USP28: variants seen among roughly 807,000 people sequenced by gnomAD.
USP28 encodes the protein ubiquitin carboxyl-terminal hydrolase 28.
A neutral mutation model predicts 145.0 loss-of-function variants in USP28; 113 were observed. The ratio of observed to expected loss-of-function variants is 0.78; its 90% CI spans 0.67 to 0.91. The LOEUF is 0.91. Ranked by LOEUF, USP28 falls within the 40% of genes least tolerant of loss-of-function variation. The pLI is 0.00. For missense variants in USP28, 1,201 were observed against 1,289.6 expected (o/e 0.93, Z 1.05); for synonymous variants, 447 against 450.9 (o/e 0.99, Z 0.11).
At chr11:113,829,224 G>A (rs567826057) in exon 10 of USP28, 299 of 1,613,988 alleles carry the variant, frequency 1.9e-4, no homozygotes, top group Non-Finnish European at 2.4e-4. Context: ...CCGAGTGATC[G>A]GAGGGAAGAA....
At chr11:113,853,401 T>C (rs538561639) in intron 2 of USP28, among the ~76,000 whole-genome samples, 21 of 150,314 alleles carry the variant, frequency 1.4e-4, no homozygotes, top group Middle Eastern at 6.8e-3. Context: ...ATTTCTAACA[T>C]ATATACCAGG....
intron 1 of USP28, among the ~76,000 whole-genome samples, chr11:113,872,693 G>A (rs936439532): frequency 6.6e-6 from 1 of 152,174 alleles, no homozygotes; most frequent in Admixed American, 6.5e-5. Context: ...TAAAGAATGT[G>A]TGATGTGAAC....
At position 113,803,174 on chromosome 11, in the gene USP28, C is replaced by T. The variant is rs757379676; in HGVS notation, c.2846G>A (p.Arg949Gln). ...AGTACAAACCAGAAGGCATTTTCTTCGGTATAAAGCAATCACGGATTCTTT... is the reference window on the plus strand; with the variant it reads ...AGTACAAACCAGAAGGCATTTTCTTTGGTATAAAGCAATCACGGATTCTTT... Residue 949 changes from arginine (R) to glutamine (Q), a missense_variant, in exon 23 of 25, where the codon CGA becomes CAA. Coordinates refer to ENST00000003302, the Ensembl canonical transcript of USP28. 5.6e-6 allele frequency: 9 copies of T among 1,613,544 alleles called. No individual in the cohort carries two copies. Among genetic ancestry groups the T allele is most frequent in the East Asian group, 4.5e-5 (2 of 44,856 alleles).
chr11:113,813,660 G>A (rs1941320301), intron 15 of USP28: 1 of 492,262 alleles, frequency 2.0e-6, no homozygotes, highest in South Asian at 2.8e-5. Context: ...AAAATTCCAT[G>A]TGGCAGAATT....
chr11:113,806,638 A>T (rs546655412), intron 18 of USP28, 54 bp from the exon 20 acceptor site: 1 of 1,303,400 alleles, frequency 7.7e-7, no homozygotes, highest in Admixed American at 2.3e-5. Flanking sequence ...AAGGTTCAGC[A>T]GAAGACTGTA....
Position 113,815,398 on chromosome 11 carries a change from A to G in USP28, c.1464-16T>C, listed in dbSNP as rs1441904950. ...TGTACTTGTACTGAGGAAGACAAAA[A>G]TCATGCTCATATGATAATTTCCAAA... On this transcript the variant is annotated splice_polypyrimidine_tract_variant and intron_variant, in intron 13 of 24. Coordinates refer to ENST00000003302, the Ensembl canonical transcript of USP28. 2 of 1,606,232 alleles carry G rather than the reference A, an allele frequency of 1.2e-6. No individual in the cohort carries two copies. The highest frequency in any genetic ancestry group is 1.7e-6 in the Non-Finnish European group (2 of 1,177,148).
chr11:113,818,911 A>G (rs995532164), intron 12 of USP28, among the ~76,000 whole-genome samples: 1 of 151,720 alleles, frequency 6.6e-6, no homozygotes, highest in African/African-American at 2.4e-5. Flanking sequence ...AAGACAAGAC[A>G]TAATCATTTT....
intron 24 of USP28, among the ~76,000 whole-genome samples, chr11:113,800,115 C>T (rs1938694077): frequency 6.6e-6 from 1 of 152,032 alleles, no homozygotes; most frequent in Admixed American, 6.6e-5. Context: ...ACGCCATTCT[C>T]CTGCCTCAGC....
chr11:113,815,101 G>A (rs751949281), intron 14 of USP28, 73 bp downstream of exon 14: 52 of 1,319,070 alleles, frequency 3.9e-5, no homozygotes, highest in Non-Finnish European at 5.1e-5. Context: ...GAAGTGTACC[G>A]AGGTGCTTAA....
chr11:113,834,443 C>T, intron 5 of USP28, 108 bp from the exon 6 acceptor site: 1 of 716,902 alleles, frequency 1.4e-6, no homozygotes, highest in Non-Finnish European at 2.1e-6. Flanking sequence ...GTATGCAAAA[C>T]TATCAACCTG....
intron 11 of USP28, among the ~76,000 whole-genome samples, chr11:113,824,072 A>C (rs1453795934): frequency 6.6e-6 from 1 of 152,230 alleles, no homozygotes. Context: ...AAGTGAGTTT[A>C]GTAAAGTCAA....
chr11:113,819,227 C>T (rs1345846532), intron 12 of USP28, among the ~76,000 whole-genome samples: 1 of 151,854 alleles, frequency 6.6e-6, no homozygotes, highest in East Asian at 1.9e-4. Flanking sequence ...ATTGTCCTGC[C>T]TCAGCCTCCC....
rs894879805 is a variant in USP28 at position 113,842,372 on chromosome 11, T to G, written c.269-604A>C. Among the ~76,000 whole-genome samples, 260 of 151,588 alleles carry G rather than the reference T, an allele frequency of 1.7e-3. 1 individual carries two copies. Among genetic ancestry groups the G allele is most frequent in the African/African-American group, 5.9e-3 (242 of 41,326 alleles). On this transcript the variant is annotated intron_variant, in intron 3 of 24. Transcript: ENST00000003302. ...AGGCCGAGGCGGGCGGATCACGAGG[T>G]CAAGAGATCGAGACCATCCTGGCTA...
At chr11:113,870,434 G>A (rs1948700977) in intron 1 of USP28, among the ~76,000 whole-genome samples, 1 of 152,228 alleles carries the variant, frequency 6.6e-6, no homozygotes, top group African/African-American at 2.4e-5. Context: ...GGCTGAGGTG[G>A]GAGGATCGCT....
rs1939458878 is a variant in USP28 at position 113,803,755 on chromosome 11, G to A, written c.2738+43C>T. 4 of 1,533,404 alleles carry A rather than the reference G, an allele frequency of 2.6e-6. No individual in the cohort carries two copies. The South Asian group carries it at 4.5e-5, about 17-fold the overall frequency. 95.0% of individuals were successfully genotyped at this position (1,533,404 alleles called of 1,614,324 possible). ...CCCAGGTAGGCATCTACAGAGAACA[G>A]CATCCTGACTAATAATCTTGGTAAA... On this transcript the variant is annotated intron_variant, in intron 22 of 24. Coordinates refer to ENST00000003302, the Ensembl canonical transcript of USP28.
intron 5 of USP28, among the ~76,000 whole-genome samples, chr11:113,835,917 C>A (rs1249238966): frequency 6.6e-6 from 1 of 152,092 alleles, no homozygotes; most frequent in Non-Finnish European, 1.5e-5. Context: ...CCCATCTCTA[C>A]TAAAAATACA....
At chr11:113,845,881 AGG>A (rs1945780909) in intron 3 of USP28, among the ~76,000 whole-genome samples, 1 of 152,202 alleles carries the variant, frequency 6.6e-6, no homozygotes, top group Non-Finnish European at 1.5e-5. Flanking sequence ...GGACTAAAAC[AGG>A]GTCTTGTAGA....
chr11:113,852,642 G>A lies in USP28; in HGVS notation c.136-9C>T. The A allele has an allele frequency of 6.2e-7, 1 of 1,609,910 alleles. No individual in the cohort carries two copies. Among genetic ancestry groups the A allele is most frequent in the Non-Finnish European group, 8.5e-7 (1 of 1,179,486 alleles). ...ATGTCACCATTACTGGCCTATGGGA[G>A]AAAAAGACAATAGAAATTTCAAAAG... On this transcript the variant is annotated splice_polypyrimidine_tract_variant and intron_variant, in intron 2 of 24. Coordinates refer to ENST00000003302, the Ensembl canonical transcript of USP28.
intron 1 of USP28, chr11:113,874,423 G>GA (rs778295743): frequency 0.051 from 21,201 of 412,872 alleles, 543 homozygotes; most frequent in South Asian, 0.087. Context: ...AGACTCTGTC[G>GA]AAAAAAAAAA....
Sources: gnomAD v4.1 joint callset for allele counts (sites outside exome capture counted in the v4.1 genomes callset) on GRCh38, gnomAD v4.1.1 for gene constraint, MANE v1.5 for transcripts, NCBI Gene and HGNC (gene_info 2026-07-23, HGNC 2026-07-21) for gene names.